The following PAX1 variants were observed in gnomAD, a reference collection of about 807,000 sequenced individuals.
PAX1 encodes paired box protein Pax-1.
Under a neutral mutation model 35.6 loss-of-function variants are expected in PAX1, and 18 were observed. The observed-to-expected ratio is 0.50, with a 90% confidence interval of 0.35 to 0.75. PAX1 has a LOEUF of 0.75. Among genes scored for constraint, PAX1 ranks in the 30% least tolerant of loss-of-function variants. The pLI is 0.01. For synonymous variants in PAX1, 397 were observed against 305.2 expected, an observed-to-expected ratio of 1.30 and a Z score of -3.14; for missense variants, 760 against 661.5, an observed-to-expected ratio of 1.15 and a Z score of -1.63.
intron 4 of PAX1, among the ~76,000 whole-genome samples, chr20:21,710,255 A>C (rs1383569143): frequency 1.3e-5 from 2 of 152,136 alleles, no homozygotes; most frequent in African/African-American, 4.8e-5. Flanking sequence ...GGATCTTCTC[A>C]CACAACCAGG....
rs1289988985 is a variant in PAX1 at position 21,714,545 on chromosome 20, C to T, written c.1357C>T (p.Pro453Ser). The part of the protein sequence containing the change: ...ALSSLHGLPI[P>S]ASTS ...CAGTAGCTTACACGGACTGCCCATCCCGGCCTCGACCTCCTAGGGGCAGCT... is the reference window on the plus strand; with the variant it reads ...CAGTAGCTTACACGGACTGCCCATCTCGGCCTCGACCTCCTAGGGGCAGCT... Residue 453 changes from proline to serine, a missense_variant, in exon 5 of 5, where the codon CCG (proline) becomes TCG (serine). Pro to Ser is a moderately conservative substitution (Grantham distance 74, BLOSUM62 -1). Around this residue, in one of 3 missense-constraint regions of PAX1, gnomAD observed 490 missense variants for 428.4 expected, o/e 1.14. Transcript: ENST00000613128. The T allele has an allele frequency of 5.0e-6, 8 of 1,593,028 alleles. No individual in the cohort carries two copies. The highest frequency in any genetic ancestry group is 1.7e-5 in the Admixed American group (1 of 57,718).
chr20:21,714,806 T>C lies in PAX1; in HGVS notation c.*244T>C. ...GCTTCTCTGAACTTGGGTTTTAGAC[T>C]GCCGTACCCTCCTCACAATCCTTGC... On this transcript the variant is annotated 3_prime_UTR_variant, in exon 5 of 5. Transcript: ENST00000613128. The C allele has an allele frequency of 6.3e-7, 1 of 1,598,382 alleles. No homozygotes were observed. The highest frequency in any genetic ancestry group is 8.5e-7 in the Non-Finnish European group (1 of 1,178,434).
At chr20:21,713,751 GA>G (rs1985272734) in intron 4 of PAX1, among the ~76,000 whole-genome samples, 1 of 152,224 alleles carries the variant, frequency 6.6e-6, no homozygotes, top group African/African-American at 2.4e-5. Flanking sequence ...GTAAGGCGCA[GA>G]ATACTGCCCG....
chr20:21,705,817 C>A lies in PAX1; in HGVS notation c.105C>A (p.Cys35Ter). 7.6e-7 allele frequency: 1 copy of A among 1,318,164 alleles called. No homozygotes were observed. 81.7% of individuals were successfully genotyped at this position (1,318,164 alleles called of 1,614,324 possible). ...GAGCGGGCGGCAGCGCGCTCCGCTG[C>A]CGCGCACAGCGCGTCTCCAGCCCGC... ...GPGAGGSALR[C>*]RAQRVSSPRL... is the part of the protein sequence containing the mutation. The change falls in exon 1 of 5, where the codon TGC (cysteine) becomes TGA (stop). Residue 35 changes from cysteine (C) to a stop codon, truncating the protein, a stop_gained. Transcript: ENST00000613128. LOFTEE classifies it high-confidence loss of function.
intron 4 of PAX1, among the ~76,000 whole-genome samples, chr20:21,711,702 C>A (rs974057040): frequency 6.6e-6 from 1 of 152,256 alleles, no homozygotes; most frequent in Non-Finnish European, 1.5e-5. Flanking sequence ...TGTTTGTGTT[C>A]GAACAGGAAT....
At position 21,716,717 on chromosome 20, in the gene PAX1, A is replaced by C. The variant is rs1300541580; in HGVS notation, c.*2155A>C. 1 of 152,114 alleles carries C rather than the reference A, an allele frequency of 6.6e-6. No homozygotes were observed. The highest frequency in any genetic ancestry group is 1.5e-5 in the Non-Finnish European group (1 of 68,034). 9.4% of individuals were successfully genotyped at this position (152,114 alleles called of 1,614,324 possible). A position where few individuals can be genotyped will look rare whatever the true frequency, so the allele number is the denominator to read the frequency against. ...CCTTCCATGGCAGCATATCCTGTAG[A>C]AGAGCTTGTCATACTGATAATAGGA... On this transcript the variant is annotated 3_prime_UTR_variant, in exon 5 of 5. Transcript: ENST00000613128.
In PAX1 at chr20:21,715,296, C is replaced by G. The variant is rs1985333311; in HGVS notation, c.*734C>G. ...CTTTGTAGCCTTCACTCCTCTGAGC[C>G]CACCAGCCCTAATGGAGGGGGGCTC... On this transcript the variant is annotated 3_prime_UTR_variant, in exon 5 of 5. Coordinates refer to ENST00000613128, the MANE Select transcript of PAX1 (RefSeq NM_001257096.2). The G allele has an allele frequency of 5.8e-6, 1 of 171,258 alleles. No individual in the cohort carries two copies. The highest frequency in any genetic ancestry group is 2.4e-5 in the African/African-American group (1 of 41,518). 10.6% of individuals were successfully genotyped at this position (171,258 alleles called of 1,614,324 possible).
rs968597139 is a variant in PAX1 at position 21,706,569 on chromosome 20, C to T, written c.418C>T (p.Leu140Phe). Residue 140 changes from leucine to phenylalanine, a missense_variant, in exon 2 of 5, where the codon CTC (leucine) becomes TTC (phenylalanine). This residue lies in a region of PAX1 where 48 missense variants were observed against 80.0 expected (regional missense o/e 0.60). Coordinates refer to ENST00000613128, the MANE Select transcript of PAX1 (RefSeq NM_001257096.2). The surrounding 1 kb of genome is among the most constrained non-coding windows in gnomAD (Gnocchi z 5.3). ...GIRPCDISRQLRVSHGCVSKI... is the reference protein window; with the variant it reads ...GIRPCDISRQFRVSHGCVSKI... ...CCGACCCTGTGACATCAGTCGGCAG[C>T]TCCGCGTATCCCACGGCTGCGTGAG... is the stretch of plus-strand genomic sequence containing the variant. The T allele has an allele frequency of 6.2e-7, 1 of 1,612,326 alleles. No homozygotes were observed.
rs996116587 is a variant in PAX1 at position 21,715,221 on chromosome 20, T to A, written c.*659T>A. The A allele has an allele frequency of 8.3e-6, 2 of 241,686 alleles. No individual in the cohort carries two copies. Among genetic ancestry groups the A allele is most frequent in the East Asian group, 1.2e-4 (1 of 8,140 alleles). The allele number at this position is 241,686 out of a possible 1,614,324, so 15.0% of individuals were successfully genotyped here. A position where few individuals can be genotyped will look rare whatever the true frequency, so the allele number is the denominator to read the frequency against. The stretch of plus-strand genomic sequence containing the variant: ...GCTTCCCCAACCCTCCCTCAGTCCC[T>A]GAGAGCCCTAGAGCCATCTCGGTGA... On this transcript the variant is annotated 3_prime_UTR_variant, in exon 5 of 5. Coordinates refer to ENST00000613128, the MANE Select transcript of PAX1 (RefSeq NM_001257096.2).
Position 21,707,017 on chromosome 20 carries a change from C to T in PAX1, c.866C>T (p.Ala289Val), listed in dbSNP as rs1344897357. Residue 289 changes from alanine to valine, a missense_variant, in exon 2 of 5, where the codon GCA (alanine) becomes GTA (valine). Ala to Val is a moderately conservative substitution (Grantham distance 64). This residue lies in a region of PAX1 where 490 missense variants were observed against 428.4 expected (regional missense o/e 1.14). Transcript: ENST00000613128. ...AGCATCCCGCGCTCATGGCCCTCGG[C>T]ACACTCGGTCAGCAACATCCTGGGC... is the stretch of plus-strand genomic sequence containing the variant. ...HVSIPRSWPS[A>V]HSVSNILGIR... The T allele has an allele frequency of 1.2e-6, 2 of 1,612,960 alleles. No homozygotes were observed. Among genetic ancestry groups the T allele is most frequent in the African/African-American group, 1.3e-5 (1 of 74,938 alleles).
rs1393903634 is a variant in PAX1 at position 21,706,037 on chromosome 20, T to C, written c.286+39T>C. ...GACAGGCAGGGCTCGGGAGGGCTGA[T>C]GAGGTGGGTCGGGTCCGCCTGCCTC... On this transcript the variant is annotated intron_variant, in intron 1 of 4. Transcript: ENST00000613128. This position sits in a 1 kb window ranked among gnomAD's most constrained non-coding sequence, Gnocchi z 5.3. 6.5e-5 allele frequency: 93 copies of C among 1,440,072 alleles called. No individual in the cohort carries two copies. The highest frequency in any genetic ancestry group is 8.4e-5 in the Non-Finnish European group (92 of 1,095,080). 89.2% of individuals were successfully genotyped at this position (1,440,072 alleles called of 1,614,324 possible).
chr20:21,709,604 G>A (rs1298576822), intron 4 of PAX1, among the ~76,000 whole-genome samples, 160 bp downstream of exon 4: 1 of 152,118 alleles, frequency 6.6e-6, no homozygotes, highest in Non-Finnish European at 1.5e-5. Context: ...TAGCTTCTTG[G>A]AGCAGATTAG....
rs11908163 is a variant in PAX1, at chr20:21,714,743, G to T, written c.*181G>T. 5 of 1,603,536 alleles carry T rather than the reference G, an allele frequency of 3.1e-6. No individual in the cohort carries two copies. Among genetic ancestry groups the T allele is most frequent in the Non-Finnish European group, 4.2e-6 (5 of 1,179,920 alleles). On this transcript the variant is annotated 3_prime_UTR_variant, in exon 5 of 5. Transcript: ENST00000613128. ...CCCAGGCCCAGCCCTGCCTCTGGCCGGACCCACCACACTTCCTTTATTGGT... is the reference window on the plus strand; with the variant it reads ...CCCAGGCCCAGCCCTGCCTCTGGCCTGACCCACCACACTTCCTTTATTGGT...
chr20:21,708,468 G>A (rs535573238), intron 2 of PAX1, 90 bp from the exon 3 acceptor site: 4 of 1,491,282 alleles, frequency 2.7e-6, no homozygotes, highest in Admixed American at 1.7e-5. Flanking sequence ...ACCCCTGGCC[G>A]TGTCTTCAGA....
chr20:21,714,123 A>G (rs1985285893), intron 4 of PAX1, among the ~76,000 whole-genome samples: 1 of 152,064 alleles, frequency 6.6e-6, no homozygotes, highest in African/African-American at 2.4e-5. Flanking sequence ...CAGACCTGAA[A>G]CCTTCCCAGC....
Position 21,705,816 on chromosome 20 carries a change from G to A in PAX1, c.104G>A (p.Cys35Tyr), listed in dbSNP as rs1393772037. 1.5e-5 allele frequency: 20 copies of A among 1,316,834 alleles called. No individual in the cohort carries two copies. The highest frequency in any genetic ancestry group is 1.7e-5 in the Non-Finnish European group (18 of 1,032,026). The allele number at this position is 1,316,834 out of a possible 1,614,324, so 81.6% of individuals were successfully genotyped here. A position where few individuals can be genotyped will look rare whatever the true frequency, so the allele number is the denominator to read the frequency against. ...GGAGCGGGCGGCAGCGCGCTCCGCT[G>A]CCGCGCACAGCGCGTCTCCAGCCCG... ...GPGAGGSALR[C>Y]RAQRVSSPRL... The change falls in exon 1 of 5, where the codon TGC becomes TAC. Residue 35 changes from cysteine to tyrosine, a missense_variant. By Grantham distance (194) the Cys-to-Tyr change is radical (BLOSUM62 -2). Coordinates refer to ENST00000613128, the MANE Select transcript of PAX1 (RefSeq NM_001257096.2).
At chr20:21,709,146 AC>A (rs1985110840) in intron 3 of PAX1, 75 bp from the exon 4 acceptor site, 2 of 1,132,878 alleles carry the variant, frequency 1.8e-6, no homozygotes, top group Non-Finnish European at 2.7e-6. Context: ...ATGGACGAAA[AC>A]CCCCGTCTCA....
chr20:21,713,380 TTTTGTG>T (rs1306972835), intron 4 of PAX1, among the ~76,000 whole-genome samples: 2 of 135,774 alleles, frequency 1.5e-5, no homozygotes, highest in African/African-American at 2.6e-5. Flanking sequence ...TTTCTTTTTT[TTTTGTG>T]TGTGTGTGTG....
chr20:21,717,908 T>C lies in PAX1; in HGVS notation c.*3346T>C, dbSNP rs1352839626. 6.6e-6 allele frequency: 1 copy of C among 152,228 alleles called. No individual in the cohort carries two copies. The highest frequency in any genetic ancestry group is 2.4e-5 in the African/African-American group (1 of 41,464). 9.4% of individuals were successfully genotyped at this position (152,228 alleles called of 1,614,324 possible). ...ATGCTGTTATAGTCTTTTGTGAATC[T>C]TTCCAGGAAAAACATGCATGCGGGA... On this transcript the variant is annotated 3_prime_UTR_variant, in exon 5 of 5. Coordinates refer to ENST00000613128, the MANE Select transcript of PAX1 (RefSeq NM_001257096.2).
Sources: allele counts gnomAD v4.1 joint callset (sites outside exome capture counted in the v4.1 genomes callset), GRCh38; gene constraint gnomAD v4.1.1; regional missense constraint gnomAD v4.1.1; non-coding constraint Gnocchi (gnomAD v3.1); transcripts MANE v1.5; gene names NCBI Gene and HGNC (gene_info 2026-07-23, HGNC 2026-07-21).